AGBL4: variants seen among roughly 807,000 people sequenced by gnomAD.
AGBL4 encodes the protein cytosolic carboxypeptidase 6.
In AGBL4, 58 loss-of-function variants were observed where a neutral mutation model predicts 66.4. The ratio of observed to expected loss-of-function variants is 0.87; its 90% CI spans 0.71 to 1.09. AGBL4 has a LOEUF of 1.09. Among genes scored for constraint, AGBL4 ranks in the 50% least tolerant of loss-of-function variants. AGBL4 has a pLI of 0.00. For synonymous variants in AGBL4, 234 were observed against 222.9 expected (o/e 1.05, Z -0.44); for missense variants, 579 against 631.0 (o/e 0.92, Z 0.88).
intron 5 of AGBL4, among the ~76,000 whole-genome samples, chr1:48,983,457 T>A (rs1015084011): frequency 6.6e-6 from 1 of 152,136 alleles, no homozygotes; most frequent in Non-Finnish European, 1.5e-5. Context: ...CAAATAGGCA[T>A]CCCACAAGGG....
rs544904183 is a variant in AGBL4 at position 48,558,105 on chromosome 1, A to G, written c.1268-18367T>C. Reference sequence around the variant, plus strand: ...AATAACAATAGCTACTAACAAGAGTATTGTGTAGACTGTATGACTTAATGA... The same window carrying G: ...AATAACAATAGCTACTAACAAGAGTGTTGTGTAGACTGTATGACTTAATGA... On this transcript the variant is annotated intron_variant, in intron 11 of 13. Transcript: ENST00000371839. Among the ~76,000 whole-genome samples the G allele has an allele frequency of 3.9e-5, 6 of 152,362 alleles. No homozygotes were observed. In the East Asian group the frequency reaches 9.6e-4, roughly 24 times the overall value.
At chr1:49,106,414 TATC>T (rs1645293691) in intron 4 of AGBL4, among the ~76,000 whole-genome samples, 1 of 152,146 alleles carries the variant, frequency 6.6e-6, no homozygotes, top group African/African-American at 2.4e-5. Context: ...TGAAGGGTGT[TATC>T]ATATGTTTGT....
chr1:49,766,741 A>G (rs1652759172), intron 2 of AGBL4, among the ~76,000 whole-genome samples: 1 of 152,142 alleles, frequency 6.6e-6, no homozygotes, highest in Non-Finnish European at 1.5e-5. Context: ...GGAGAAAGCT[A>G]TATCATGCAA....
At chr1:48,577,223 G>C (rs1375865323) in intron 11 of AGBL4, among the ~76,000 whole-genome samples, 1 of 152,144 alleles carries the variant, frequency 6.6e-6, no homozygotes, top group African/African-American at 2.4e-5. Context: ...AAGAAGGTGG[G>C]AACACAAGTA....
chr1:48,869,493 G>A (rs531441458), intron 5 of AGBL4, among the ~76,000 whole-genome samples: 3 of 152,274 alleles, frequency 2.0e-5, no homozygotes, highest in African/African-American at 7.2e-5. Flanking sequence ...CTATTTGTCT[G>A]AAATGTATTT....
downstream of AGBL4, among the ~76,000 whole-genome samples, chr1:48,531,902 G>A (rs34606284): frequency 0.041 from 6,227 of 152,178 alleles, 150 homozygotes; most frequent in Middle Eastern, 0.061. Flanking sequence ...TCCTGCCCCA[G>A]CCTCCTGAGT....
chr1:48,961,535 G>A (rs1657977388), intron 5 of AGBL4, among the ~76,000 whole-genome samples: 1 of 152,232 alleles, frequency 6.6e-6, no homozygotes, highest in Non-Finnish European at 1.5e-5. Context: ...GGACTACAGG[G>A]TCACAGTAAG....
chr1:48,972,523 C>A (rs1345044990), intron 5 of AGBL4, among the ~76,000 whole-genome samples: 1 of 152,140 alleles, frequency 6.6e-6, no homozygotes, highest in Admixed American at 6.6e-5. Context: ...GGGTAGGCAT[C>A]ATTATCCCAT....
intron 3 of AGBL4, among the ~76,000 whole-genome samples, chr1:49,610,455 A>G (rs1261476683): frequency 6.6e-6 from 1 of 152,224 alleles, no homozygotes; most frequent in African/African-American, 2.4e-5. Flanking sequence ...ACAGTGCTGC[A>G]TGGAAAACAA....
chr1:49,151,064 C>T (rs138628542), intron 4 of AGBL4, among the ~76,000 whole-genome samples: 104 of 151,954 alleles, frequency 6.8e-4, no homozygotes, highest in African/African-American at 2.4e-3. Flanking sequence ...GTCAGGAGAT[C>T]GAGACCATCC....
intron 2 of AGBL4, among the ~76,000 whole-genome samples, chr1:49,745,509 A>G (rs938872008): frequency 1.3e-5 from 2 of 152,040 alleles, no homozygotes; most frequent in South Asian, 2.1e-4. Flanking sequence ...GAATTATCCA[A>G]GGTTGGAGGC....
chr1:50,023,553 C>T (rs571213415), intron 1 of AGBL4, among the ~76,000 whole-genome samples: 1 of 152,334 alleles, frequency 6.6e-6, no homozygotes, highest in African/African-American at 2.4e-5. Context: ...CTAACCCACA[C>T]TCCCCTCCAC....
At chr1:49,948,450 T>TAG (rs1360152759) in intron 1 of AGBL4, among the ~76,000 whole-genome samples, 3 of 58,802 alleles carry the variant, frequency 5.1e-5, no homozygotes, top group Admixed American at 2.0e-4. Flanking sequence ...TATATAAATA[T>TAG]ATAAATATAG....
chr1:48,578,673 C>G (rs2148328330), intron 11 of AGBL4, among the ~76,000 whole-genome samples: 1 of 152,296 alleles, frequency 6.6e-6, no homozygotes, highest in East Asian at 1.9e-4. Flanking sequence ...TGTTTCTGAA[C>G]AGCAGAGATC....
At chr1:49,012,305 A>G (rs1430458066) in intron 5 of AGBL4, among the ~76,000 whole-genome samples, 1 of 152,224 alleles carries the variant, frequency 6.6e-6, no homozygotes, top group Non-Finnish European at 1.5e-5. Flanking sequence ...AGACAAAGAC[A>G]GAGAAAGAGA....
chr1:48,771,393 A>T (rs1422028240), intron 6 of AGBL4, among the ~76,000 whole-genome samples: 1 of 152,216 alleles, frequency 6.6e-6, no homozygotes, highest in African/African-American at 2.4e-5. Context: ...CCACATAAAA[A>T]GCAACTTGCC....
intron 3 of AGBL4, among the ~76,000 whole-genome samples, chr1:49,622,521 T>C (rs1390389130): frequency 2.1e-5 from 3 of 144,214 alleles, no homozygotes; most frequent in Non-Finnish European, 4.5e-5. Context: ...CCCAGCTACT[T>C]GGGAGGCTGA....
At chr1:50,018,747 C>T (rs1336395754) in intron 1 of AGBL4, among the ~76,000 whole-genome samples, 1 of 151,900 alleles carries the variant, frequency 6.6e-6, no homozygotes, top group Non-Finnish European at 1.5e-5. Flanking sequence ...GATCAAAGAG[C>T]CTTAGAAGAA....
intron 6 of AGBL4, among the ~76,000 whole-genome samples, chr1:48,715,799 T>C (rs564315336): frequency 6.6e-6 from 1 of 152,200 alleles, no homozygotes; most frequent in Non-Finnish European, 1.5e-5. Flanking sequence ...AAATATCTGG[T>C]GAAATTATGC....
Sources: allele counts gnomAD v4.1 joint callset (sites outside exome capture counted in the v4.1 genomes callset), GRCh38; gene constraint gnomAD v4.1.1; transcripts MANE v1.5; gene names NCBI Gene and HGNC (gene_info 2026-07-23, HGNC 2026-07-21).